Variants in PTPN4 observed in about 807,000 individuals in gnomAD.
PTPN4 encodes the protein protein tyrosine phosphatase non-receptor type 4, also known as tyrosine-protein phosphatase non-receptor type 4.
PTPN4 carries 49 observed loss-of-function variants against 135.5 expected under a neutral mutation model. The ratio of observed to expected loss-of-function variants is 0.36; its 90% confidence interval spans 0.29 to 0.46. The LOEUF (loss-of-function observed/expected upper bound fraction) is 0.46, where lower values mean the gene tolerates loss of function less well. PTPN4 is among the 20% of genes least tolerant of loss of function. The pLI is 1.00. For missense variants in PTPN4, 860 were observed against 1,101.0 expected (o/e 0.78, Z 3.10); for synonymous variants, 333 against 369.9 (o/e 0.90, Z 1.14).
chr2:119,911,820 T>G (rs1410564865), intron 10 of PTPN4, among the ~76,000 whole-genome samples: 1 of 152,164 alleles, frequency 6.6e-6, no homozygotes, highest in African/African-American at 2.4e-5. Flanking sequence ...GACTGTATTA[T>G]TATAATATAT....
chr2:119,793,501 A>G (rs905834756), intron 1 of PTPN4, among the ~76,000 whole-genome samples: 24 of 152,316 alleles, frequency 1.6e-4, no homozygotes, highest in Admixed American at 1.3e-3. Context: ...CTGAGGTGAC[A>G]CATACATCCT....
Position 119,983,981 on chromosome 2 carries a change from C to T in PTPN4, c.*6911C>T, listed in dbSNP as rs375699019. Among the ~76,000 whole-genome samples the T allele has an allele frequency of 6.6e-6, 1 of 152,000 alleles. No homozygotes were observed. The highest frequency in any genetic ancestry group is 1.5e-5 in the Non-Finnish European group (1 of 68,006). ...AGTAAGTTTAAGGGAATAAAAGTCC[C>T]GACACTTTATATACATGTTGAGGGG... On this transcript the variant is annotated 3_prime_UTR_variant, in exon 27 of 27. Transcript: ENST00000263708.
Position 119,930,621 on chromosome 2 carries a change from A to G in PTPN4, c.1071-1803A>G, listed in dbSNP as rs1678890619. 1.3e-5 allele frequency among the ~76,000 whole-genome samples: 2 copies of G among 152,196 alleles called. 1 individual carries two copies. The highest frequency in any genetic ancestry group is 1.3e-4 in the Admixed American group (2 of 15,282). The stretch of plus-strand genomic sequence containing the variant: ...GCTTCCTACTGTACACATAATAACA[A>G]TTTGTTCAGTTCTCTTTGGTCAGTG... On this transcript the variant is annotated intron_variant, in intron 13 of 26. Transcript: ENST00000263708.
chr2:119,764,891 G>T (rs1467206022), intron 1 of PTPN4, among the ~76,000 whole-genome samples: 1 of 152,130 alleles, frequency 6.6e-6, no homozygotes, highest in Non-Finnish European at 1.5e-5. Context: ...AAATAAAGTT[G>T]TGTGGTAGAG....
chr2:119,929,610 A>G (rs1040837826), intron 13 of PTPN4, among the ~76,000 whole-genome samples: 2 of 152,166 alleles, frequency 1.3e-5, no homozygotes, highest in African/African-American at 4.8e-5. Flanking sequence ...CCTAGACAGA[A>G]AAGAAGCTTA....
At chr2:119,765,558 T>C (rs1309937841) in intron 1 of PTPN4, among the ~76,000 whole-genome samples, 3 of 152,266 alleles carry the variant, frequency 2.0e-5, no homozygotes, top group Non-Finnish European at 4.4e-5. Context: ...GATGATGTAA[T>C]GAACATTCCT....
chr2:119,779,411 A>C (rs910837915), intron 1 of PTPN4, among the ~76,000 whole-genome samples: 2 of 152,058 alleles, frequency 1.3e-5, no homozygotes, highest in South Asian at 2.1e-4. Context: ...AGGTTAGGAG[A>C]TTGAGACTGT....
At chr2:119,804,716 T>C (rs1473987175) in intron 1 of PTPN4, among the ~76,000 whole-genome samples, 1 of 152,212 alleles carries the variant, frequency 6.6e-6, no homozygotes, top group Non-Finnish European at 1.5e-5. Flanking sequence ...TTTTTGCTAT[T>C]GTGAATAGTG....
intron 2 of PTPN4, among the ~76,000 whole-genome samples, chr2:119,810,506 T>C (rs1219188589): frequency 6.6e-6 from 1 of 152,240 alleles, no homozygotes; most frequent in Non-Finnish European, 1.5e-5. Context: ...AGTTAGTTCA[T>C]TGTTACTGCT....
intron 1 of PTPN4, among the ~76,000 whole-genome samples, chr2:119,807,954 A>G (rs1691505843): frequency 6.6e-6 from 1 of 152,210 alleles, no homozygotes; most frequent in Admixed American, 6.5e-5. Flanking sequence ...CCATCAGCTA[A>G]ACAGAAGCAA....
Position 119,934,900 on chromosome 2 carries a change from G to A in PTPN4, c.1297G>A (p.Val433Ile), listed in dbSNP as rs764368118. 2 of 1,613,832 alleles carry A rather than the reference G, an allele frequency of 1.2e-6. No homozygotes were observed. Among genetic ancestry groups the A allele is most frequent in the Non-Finnish European group, 1.7e-6 (2 of 1,179,750 alleles). ...TCATACTTCCCCAAGCGAAGTGTTTGTAAATCAGAGATCTCCGTCATCAAC... is the reference window on the plus strand; with the variant it reads ...TCATACTTCCCCAAGCGAAGTGTTTATAAATCAGAGATCTCCGTCATCAAC... ...MVHTSPSEVF[V>I]NQRSPSSTQA... The change falls in exon 15 of 27, where the codon GTA becomes ATA. Residue 433 changes from valine (V) to isoleucine (I), a missense_variant. Around this residue, in one of 2 missense-constraint regions of PTPN4, gnomAD observed 684 missense variants for 807.0 expected, o/e 0.85. Transcript: ENST00000263708.
intron 3 of PTPN4, among the ~76,000 whole-genome samples, chr2:119,863,700 G>A (rs886908206): frequency 2.6e-5 from 4 of 151,972 alleles, no homozygotes; most frequent in Non-Finnish European, 5.9e-5. Flanking sequence ...TTACAAACCA[G>A]TCATGGAAAA....
intron 9 of PTPN4, among the ~76,000 whole-genome samples, chr2:119,898,858 AAT>A (rs903324932): frequency 2.0e-5 from 3 of 152,152 alleles, no homozygotes; most frequent in Admixed American, 2.0e-4. Context: ...CATATTTCTG[AAT>A]ATGTTATTTT....
intron 1 of PTPN4, among the ~76,000 whole-genome samples, chr2:119,788,488 T>C (rs1213157156): frequency 6.6e-6 from 1 of 152,128 alleles, no homozygotes; most frequent in African/African-American, 2.4e-5. Flanking sequence ...CATTTTTAAG[T>C]GTACAGTTCA....
At chr2:119,928,208 A>G (rs892157740) in intron 13 of PTPN4, among the ~76,000 whole-genome samples, 26 of 152,178 alleles carry the variant, frequency 1.7e-4, no homozygotes, top group Non-Finnish European at 1.5e-4. Flanking sequence ...TATAATGGCA[A>G]TAAATCTTTT....
At chr2:119,890,104 G>A (rs1678219621) in intron 9 of PTPN4, among the ~76,000 whole-genome samples, 1 of 152,054 alleles carries the variant, frequency 6.6e-6, no homozygotes, top group Non-Finnish European at 1.5e-5. Flanking sequence ...CTGAGAGTGA[G>A]GTGTTAGTCC....
chr2:119,773,315 G>A (rs1690768841), intron 1 of PTPN4, among the ~76,000 whole-genome samples: 1 of 151,998 alleles, frequency 6.6e-6, no homozygotes, highest in African/African-American at 2.4e-5. Flanking sequence ...GATTTGAACT[G>A]TGTGGGTCCA....
At chr2:119,843,485 G>T (rs1336325703) in intron 2 of PTPN4, among the ~76,000 whole-genome samples, 1 of 128,566 alleles carries the variant, frequency 7.8e-6, no homozygotes, top group East Asian at 2.2e-4. Context: ...ATCCTGGCCC[G>T]TTCTCAATGA....
intron 8 of PTPN4, 48 bp from the exon 9 acceptor site, chr2:119,885,747 T>TTTGA (rs754376689): frequency 1.1e-5 from 15 of 1,310,264 alleles, no homozygotes; most frequent in Non-Finnish European, 1.5e-5. Flanking sequence ...GCCATATTTA[T>TTTGA]TTGATTGATT....
Sources: allele counts gnomAD v4.1 joint callset (sites outside exome capture counted in the v4.1 genomes callset), GRCh38; gene constraint gnomAD v4.1.1; regional missense constraint gnomAD v4.1.1; transcripts MANE v1.5; gene names NCBI Gene and HGNC (gene_info 2026-07-23, HGNC 2026-07-21).